The following VPS13A variants were observed in gnomAD, a reference collection of about 807,000 sequenced individuals.
VPS13A encodes intermembrane lipid transfer protein VPS13A.
VPS13A carries 264 observed loss-of-function variants against 390.9 expected under a neutral mutation model. The ratio of observed to expected loss-of-function variants is 0.68; its 90% CI spans 0.61 to 0.75. The LOEUF (loss-of-function observed/expected upper bound fraction) is 0.75, where lower values mean the gene tolerates loss of function less well. VPS13A is among the 30% of genes least tolerant of loss of function. The pLI is 0.00. For synonymous variants in VPS13A, 1,231 were observed against 1,227.1 expected (o/e 1.00, Z -0.07); for missense variants, 3,409 against 3,733.9 (o/e 0.91, Z 2.27).
chr9:77,360,566 T>C lies in VPS13A; in HGVS notation c.8136T>C (p.Asp2712=). Residue 2712 remains aspartate, a synonymous_variant, in exon 59 of 72, where the codon GAT becomes GAC. Transcript: ENST00000360280. ...TCAAAGTATTGATTCAAGAAATGGA[T>C]CTCAGGTTAGATCTTGGGTTTATCT... ...KYFKVLIQEM[D]LRLDLGFIYA... 1.2e-6 allele frequency: 2 copies of C among 1,613,024 alleles called. No individual in the cohort carries two copies. Among genetic ancestry groups the C allele is most frequent in the Non-Finnish European group, 1.7e-6 (2 of 1,179,334 alleles).
intron 1 of VPS13A, among the ~76,000 whole-genome samples, chr9:77,178,359 C>T (rs1032297895): frequency 1.3e-4 from 20 of 152,246 alleles, no homozygotes; most frequent in Admixed American, 1.1e-3. Context: ...TTTCTGCTCT[C>T]CCCCTTCCGG....
chr9:77,347,041 G>C (rs1831195778), intron 52 of VPS13A, among the ~76,000 whole-genome samples: 1 of 152,124 alleles, frequency 6.6e-6, no homozygotes, highest in Admixed American at 6.5e-5. Context: ...CCATTGGTCT[G>C]CATGCCTATT....
At chr9:77,226,724 C>A in intron 15 of VPS13A, 126 bp downstream of exon 15, 1 of 770,194 alleles carries the variant, frequency 1.3e-6, no homozygotes, top group Non-Finnish European at 1.8e-6. Context: ...AAAGTTATTA[C>A]AAATAAAACT....
intron 19 of VPS13A, among the ~76,000 whole-genome samples, chr9:77,244,878 A>G (rs1453366378): frequency 4.6e-5 from 7 of 152,168 alleles, no homozygotes; most frequent in African/African-American, 1.7e-4. Context: ...ATTCAACATT[A>G]AGATCAGATA....
chr9:77,342,652 C>T (rs940514234), intron 50 of VPS13A, among the ~76,000 whole-genome samples: 3 of 152,108 alleles, frequency 2.0e-5, no homozygotes, highest in Admixed American at 6.5e-5. Context: ...GTATGTGAAA[C>T]ATAAATGAAT....
At chr9:77,332,712 T>A (rs1221774685) in intron 46 of VPS13A, among the ~76,000 whole-genome samples, 1 of 152,200 alleles carries the variant, frequency 6.6e-6, no homozygotes, top group African/African-American at 2.4e-5. Context: ...ATATGTAATC[T>A]GGAATTGAAA....
At chr9:77,212,132 C>T (rs562576327) in intron 7 of VPS13A, among the ~76,000 whole-genome samples, 53 of 152,248 alleles carry the variant, frequency 3.5e-4, no homozygotes, top group Non-Finnish European at 4.6e-4. Flanking sequence ...CACATAGAAA[C>T]GAAAACCATC....
Position 77,339,626 on chromosome 9 carries a change from C to T in VPS13A, c.6489C>T (p.His2163=), listed in dbSNP as rs773384343. The T allele has an allele frequency of 1.7e-5, 28 of 1,613,150 alleles. No individual in the cohort carries two copies. Among genetic ancestry groups the T allele is most frequent in the Admixed American group, 3.3e-5 (2 of 59,866 alleles). Residue 2163 remains histidine, a synonymous_variant, in exon 48 of 72, where the codon CAC becomes CAT. Coordinates refer to ENST00000360280, the MANE Select transcript of VPS13A (RefSeq NM_033305.3). ...LHLKLLDYLN[H]DWKSEYHIKP... ...TAAAATTACTTGACTATCTCAATCACGATTGGAAAAGTGAATATCACATAA... is the reference window on the plus strand; with the variant it reads ...TAAAATTACTTGACTATCTCAATCATGATTGGAAAAGTGAATATCACATAA...
chr9:77,265,834 A>G (rs1564677825), intron 23 of VPS13A, among the ~76,000 whole-genome samples: 2 of 151,978 alleles, frequency 1.3e-5, no homozygotes. Flanking sequence ...GTCTTCTGCT[A>G]CCTTTTGAAT....
intron 22 of VPS13A, among the ~76,000 whole-genome samples, chr9:77,258,112 C>T (rs896282698): frequency 6.6e-6 from 1 of 152,162 alleles, no homozygotes; most frequent in African/African-American, 2.4e-5. Flanking sequence ...TTATTTATTT[C>T]TAAATAGTTT....
At chr9:77,323,343 G>A in intron 45 of VPS13A, 116 bp downstream of exon 45, 2 of 1,271,216 alleles carry the variant, frequency 1.6e-6, no homozygotes, top group South Asian at 1.3e-5. Context: ...CAGTAATACA[G>A]CTGATATCAA....
chr9:77,250,101 C>T lies in VPS13A; in HGVS notation c.2042C>T (p.Thr681Met), dbSNP rs776797490. 23 of 1,613,472 alleles carry T rather than the reference C, an allele frequency of 1.4e-5. No homozygotes were observed. Among genetic ancestry groups the T allele is most frequent in the Middle Eastern group, 1.7e-4 (1 of 6,042 alleles). ...ACTATTAAAATTAACTTGAAGGTGA[C>T]GAGTAAAAGTCGTTCTGAATTACCA... ...LLLDLGHLKVTSKSRSELPDV... is the reference protein window; with the variant it reads ...LLLDLGHLKVMSKSRSELPDV... The change falls in exon 21 of 72, where the codon ACG becomes ATG. Residue 681 changes from threonine (T) to methionine (M), a missense_variant. This residue lies in a region of VPS13A where 2,717 missense variants were observed against 2,917.4 expected (regional missense o/e 0.93). Transcript: ENST00000360280.
At chr9:77,410,202 A>G (rs1263801629) in intron 71 of VPS13A, among the ~76,000 whole-genome samples, 1 of 152,206 alleles carries the variant, frequency 6.6e-6, no homozygotes, top group Non-Finnish European at 1.5e-5. Context: ...ACTAAGCTCC[A>G]TAAGTGAAGG....
In VPS13A at chr9:77,316,264, C is replaced by T. The variant is rs769936153; in HGVS notation, c.4721C>T (p.Ala1574Val). 1.2e-6 allele frequency: 2 copies of T among 1,613,068 alleles called. No individual in the cohort carries two copies. Among genetic ancestry groups the T allele is most frequent in the South Asian group, 2.2e-5 (2 of 91,014 alleles). The change falls in exon 39 of 72, where the codon GCT becomes GTT. Residue 1574 changes from alanine to valine, a missense_variant. This residue lies in a region of VPS13A where 2,717 missense variants were observed against 2,917.4 expected (regional missense o/e 0.93). Coordinates refer to ENST00000360280, the MANE Select transcript of VPS13A (RefSeq NM_033305.3). ...GTAGCTGACATGACAAAAAATGATG[C>T]TCCTGCTTTAGTCATTACAACACAA... ...VFVADMTKND[A>V]PALVITTQCE...
rs578011514 is a variant in VPS13A at position 77,197,504 on chromosome 9, A to G, written c.101-2441A>G. Among the ~76,000 whole-genome samples, 4 of 152,312 alleles carry G rather than the reference A, an allele frequency of 2.6e-5. No individual in the cohort carries two copies. The South Asian group carries it at 8.3e-4, about 32-fold the overall frequency. On this transcript the variant is annotated intron_variant, in intron 1 of 71. Transcript: ENST00000360280. ...TTAGTGAAGTGTCGGTTTTATCATT[A>G]TATAATGCCCTTCTTTGTTTTTTGT...
At chr9:77,185,123 A>T (rs1824253080) in intron 1 of VPS13A, among the ~76,000 whole-genome samples, 1 of 151,262 alleles carries the variant, frequency 6.6e-6, no homozygotes, top group African/African-American at 2.4e-5. Context: ...CTGAGCCCTT[A>T]CCATGTGGGA....
intron 1 of VPS13A, chr9:77,178,101 C>T (rs993486203): frequency 8.4e-6 from 3 of 358,202 alleles, no homozygotes; most frequent in Non-Finnish European, 1.6e-5. Flanking sequence ...GTTCAAGTCC[C>T]GGCGAGGGGC....
At chr9:77,412,266 C>T (rs535069977) in intron 71 of VPS13A, among the ~76,000 whole-genome samples, 1 of 152,146 alleles carries the variant, frequency 6.6e-6, no homozygotes, top group African/African-American at 2.4e-5. Flanking sequence ...CATCCTGATA[C>T]CAAAGCCTGG....
At chr9:77,412,904 C>G (rs1835003676) in intron 71 of VPS13A, among the ~76,000 whole-genome samples, 1 of 152,204 alleles carries the variant, frequency 6.6e-6, no homozygotes, top group Non-Finnish European at 1.5e-5. Flanking sequence ...AGCAAAGTCT[C>G]AGGATACAAA....
Sources: gnomAD v4.1 joint callset for allele counts (sites outside exome capture counted in the v4.1 genomes callset) on GRCh38, gnomAD v4.1.1 for gene constraint, gnomAD v4.1.1 regional missense constraint, MANE v1.5 for transcripts, NCBI Gene and HGNC (gene_info 2026-07-23, HGNC 2026-07-21) for gene names.